The following VTA1 variants were observed in gnomAD, a reference collection of about 807,000 sequenced individuals.
VTA1 encodes vacuolar protein sorting-associated protein VTA1 homolog.
VTA1 carries 24 observed loss-of-function variants against 36.9 expected under a neutral mutation model. The ratio of observed to expected loss-of-function variants is 0.65; its 90% CI spans 0.47 to 0.91. The LOEUF (loss-of-function observed/expected upper bound fraction) is 0.91. Ranked by LOEUF, VTA1 falls within the 40% of genes least tolerant of loss-of-function variation. VTA1 has a pLI of 0.00. For missense variants in VTA1, 393 were observed against 377.2 expected (o/e 1.04, Z -0.35); for synonymous variants, 142 against 130.2 (o/e 1.09, Z -0.62).
At chr6:142,166,608 C>T (rs1774919559) in intron 2 of VTA1, among the ~76,000 whole-genome samples, 1 of 151,504 alleles carries the variant, frequency 6.6e-6, no homozygotes, top group Non-Finnish European at 1.5e-5. Flanking sequence ...AGGTGAAAAA[C>T]CCCTCCTTTT....
In VTA1 at chr6:142,221,581, C is replaced by T. The variant is rs142918622; in HGVS notation, c.*2938C>T. The T allele has an allele frequency of 6.6e-6, 1 of 151,940 alleles. No individual in the cohort carries two copies. The highest frequency in any genetic ancestry group is 2.4e-5 in the African/African-American group (1 of 41,432). 9.4% of individuals were successfully genotyped at this position (151,940 alleles called of 1,614,324 possible). Reference sequence around the variant, plus strand: ...GATGTGACTTAACTTTTGAAATAATCATATTGGCTCCTATGTTGAGAATAG... The same window carrying T: ...GATGTGACTTAACTTTTGAAATAATTATATTGGCTCCTATGTTGAGAATAG... On this transcript the variant is annotated 3_prime_UTR_variant, in exon 8 of 8. Coordinates refer to ENST00000367630, the MANE Select transcript of VTA1 (RefSeq NM_016485.5).
At chr6:142,205,733 T>C (rs769143073) in intron 7 of VTA1, among the ~76,000 whole-genome samples, 3 of 152,134 alleles carry the variant, frequency 2.0e-5, no homozygotes, top group Non-Finnish European at 4.4e-5. Flanking sequence ...ATGGATTTCA[T>C]TTAATATATA....
Position 142,202,529 on chromosome 6 carries a change from T to C in VTA1, c.698-1456T>C, listed in dbSNP as rs190066711. Among the ~76,000 whole-genome samples the C allele has an allele frequency of 2.0e-5, 3 of 152,154 alleles. No individual in the cohort carries two copies. In the East Asian group the frequency reaches 5.8e-4, roughly 29 times the overall value. On this transcript the variant is annotated intron_variant, in intron 6 of 7. Coordinates refer to ENST00000367630, the MANE Select transcript of VTA1 (RefSeq NM_016485.5). ...CAAGACAGATTTATACGTATTAATC[T>C]GGAATTATTGCTAGGACACATTAAG...
chr6:142,194,085 A>T (rs1428292301), intron 5 of VTA1, among the ~76,000 whole-genome samples: 1 of 152,060 alleles, frequency 6.6e-6, no homozygotes, highest in Non-Finnish European at 1.5e-5. Context: ...GCATGTCAAG[A>T]TATTCATAGT....
At position 142,221,132 on chromosome 6, in the gene VTA1, C is replaced by A. The variant is rs1405845006; in HGVS notation, c.*2489C>A. The A allele has an allele frequency of 6.6e-6, 1 of 152,146 alleles. No individual in the cohort carries two copies. The highest frequency in any genetic ancestry group is 2.4e-5 in the African/African-American group (1 of 41,432). The allele number at this position is 152,146 out of a possible 1,614,324, so 9.4% of individuals were successfully genotyped here. ...TATTGCAAGTCTGAGAAAAGAGATT[C>A]TCCTCAAACCGGTTCTCAAAGGTGT... On this transcript the variant is annotated 3_prime_UTR_variant, in exon 8 of 8. Coordinates refer to ENST00000367630, the MANE Select transcript of VTA1 (RefSeq NM_016485.5).
In VTA1 at chr6:142,151,284, A is replaced by G. The variant is rs908085876; in HGVS notation, c.112+3885A>G. Among the ~76,000 whole-genome samples the G allele has an allele frequency of 3.6e-4, 55 of 152,140 alleles. 1 individual carries two copies. The highest frequency in any genetic ancestry group is 3.4e-4 in the Non-Finnish European group (23 of 68,016). The stretch of plus-strand genomic sequence containing the variant: ...CTTTCAGAGTCTCTTACATTTATAC[A>G]TGTATCTGTTAAGGGTAATGCCTTA... On this transcript the variant is annotated intron_variant, in intron 1 of 7. Coordinates refer to ENST00000367630, the MANE Select transcript of VTA1 (RefSeq NM_016485.5).
intron 4 of VTA1, among the ~76,000 whole-genome samples, chr6:142,187,988 A>C (rs1775376070): frequency 6.8e-6 from 1 of 147,296 alleles, no homozygotes; most frequent in African/African-American, 2.5e-5. Context: ...GCTCACTGCA[A>C]CCTCTGCCTC....
At chr6:142,152,461 T>G (rs2114627881) in intron 1 of VTA1, among the ~76,000 whole-genome samples, 1 of 152,192 alleles carries the variant, frequency 6.6e-6, no homozygotes, top group East Asian at 1.9e-4. Context: ...GGGGGGATTG[T>G]TTTTTGTGAA....
chr6:142,207,174 T>C (rs1775810571), intron 7 of VTA1, among the ~76,000 whole-genome samples: 1 of 152,172 alleles, frequency 6.6e-6, no homozygotes, highest in African/African-American at 2.4e-5. Context: ...ACTTCCACTT[T>C]CATGATGCTT....
At chr6:142,213,912 C>G (rs1025125293) in intron 7 of VTA1, among the ~76,000 whole-genome samples, 2 of 152,178 alleles carry the variant, frequency 1.3e-5, no homozygotes, top group African/African-American at 2.4e-5. Flanking sequence ...GAGACACTTT[C>G]CCCCACTGTC....
At position 142,151,987 on chromosome 6, in the gene VTA1, C is replaced by T. The variant is rs1231605010; in HGVS notation, c.112+4588C>T. Among the ~76,000 whole-genome samples, 7 of 152,008 alleles carry T rather than the reference C, an allele frequency of 4.6e-5. No individual in the cohort carries two copies. The East Asian group carries it at 1.2e-3, about 25-fold the overall frequency. ...GGTGGAGGTTGCAGTGAGCTGAGATCGTGCAATTGCACTCCAACCTGGGGA... is the reference window on the plus strand; with the variant it reads ...GGTGGAGGTTGCAGTGAGCTGAGATTGTGCAATTGCACTCCAACCTGGGGA... On this transcript the variant is annotated intron_variant, in intron 1 of 7. Coordinates refer to ENST00000367630, the MANE Select transcript of VTA1 (RefSeq NM_016485.5).
intron 7 of VTA1, among the ~76,000 whole-genome samples, chr6:142,208,406 G>A (rs1007639615): frequency 6.6e-6 from 1 of 152,066 alleles, no homozygotes; most frequent in Non-Finnish European, 1.5e-5. Context: ...AGGAAAAAAA[G>A]AGAATGAAAA....
At chr6:142,197,558 T>C (rs1000920870) in intron 5 of VTA1, among the ~76,000 whole-genome samples, 3 of 152,220 alleles carry the variant, frequency 2.0e-5, no homozygotes, top group African/African-American at 7.2e-5. Context: ...AAATGAAATA[T>C]CTCATTTCTT....
intron 5 of VTA1, among the ~76,000 whole-genome samples, chr6:142,198,142 TG>T (rs1337442760): frequency 1.3e-5 from 2 of 148,666 alleles, no homozygotes; most frequent in African/African-American, 4.9e-5. Context: ...TGTGTGTGTG[TG>T]TGTGTGTGTG....
In VTA1 at chr6:142,147,294, G is replaced by A; in HGVS notation, c.7G>A (p.Ala3Thr). The change falls in exon 1 of 8, where the codon GCG becomes ACG. Residue 3 changes from alanine (A) to threonine (T), a missense_variant. Physicochemically the swap from Ala to Thr is moderately conservative, Grantham distance 58 (BLOSUM62 0). Coordinates refer to ENST00000367630, the MANE Select transcript of VTA1 (RefSeq NM_016485.5). ...TGGTGAGTTCGGAGTAGAGATGGCC[G>A]CGCTTGCACCGCTGCCCCCGCTCCC... MA[A>T]LAPLPPLPAQ... is the part of the protein sequence containing the mutation. 1 of 1,614,186 alleles carries A rather than the reference G, an allele frequency of 6.2e-7. No individual in the cohort carries two copies. Among genetic ancestry groups the A allele is most frequent in the Non-Finnish European group, 8.5e-7 (1 of 1,180,026 alleles).
intron 7 of VTA1, among the ~76,000 whole-genome samples, chr6:142,213,847 T>C (rs970099020): frequency 6.6e-6 from 1 of 152,170 alleles, no homozygotes; most frequent in Non-Finnish European, 1.5e-5. Flanking sequence ...TTTTTCCTTC[T>C]AGATCTCCAA....
At chr6:142,168,405 C>T (rs923181312) in intron 2 of VTA1, among the ~76,000 whole-genome samples, 1 of 151,782 alleles carries the variant, frequency 6.6e-6, no homozygotes, top group Non-Finnish European at 1.5e-5. Context: ...TATGAAAAAT[C>T]CTGGGGCTTC....
intron 2 of VTA1, among the ~76,000 whole-genome samples, chr6:142,169,044 C>T (rs78175842): frequency 0.017 from 2,545 of 152,066 alleles, 65 homozygotes; most frequent in African/African-American, 0.058. Context: ...ACTGGGATTA[C>T]GAGTGTGAAC....
At chr6:142,212,607 TAAAGA>T (rs902516170) in intron 7 of VTA1, among the ~76,000 whole-genome samples, 1 of 152,170 alleles carries the variant, frequency 6.6e-6, no homozygotes, top group African/African-American at 2.4e-5. Context: ...CATATTGCTA[TAAAGA>T]ACTACCTGAG....
Sources: gnomAD v4.1 joint callset for allele counts (sites outside exome capture counted in the v4.1 genomes callset) on GRCh38, gnomAD v4.1.1 for gene constraint, MANE v1.5 for transcripts, NCBI Gene and HGNC (gene_info 2026-07-23, HGNC 2026-07-21) for gene names.